The following ZDHHC11 variants were observed in gnomAD, a reference collection of about 807,000 sequenced individuals.
ZDHHC11 encodes palmitoyltransferase ZDHHC11.
In ZDHHC11, 44 loss-of-function variants were observed where a neutral mutation model predicts 51.3. That is an observed-to-expected ratio of 0.86 (90% confidence interval 0.67 to 1.10). The LOEUF (loss-of-function observed/expected upper bound fraction) is 1.10. Ranked by LOEUF, ZDHHC11 falls within the 50% of genes least tolerant of loss-of-function variation. The pLI is 0.00. For missense variants in ZDHHC11, 400 were observed against 537.7 expected (o/e 0.74, Z 2.53); for synonymous variants, 163 against 222.0 (o/e 0.73, Z 2.36).
At chr5:821,837 A>C (rs1169771867) in intron 9 of ZDHHC11, 24 bp downstream of exon 9, 2 of 1,591,314 alleles carry the variant, frequency 1.3e-6, no homozygotes, top group Non-Finnish European at 1.7e-6. Context: ...AGATAAAATA[A>C]TCCCATTAAA....
At chr5:809,001 AC>A in intron 11 of ZDHHC11, among the ~76,000 whole-genome samples, 1 of 146,320 alleles carries the variant, frequency 6.8e-6, no homozygotes, top group Middle Eastern at 3.4e-3. Context: ...ACACACACAC[AC>A]ACACACACAC....
At chr5:828,961 G>T (rs1447031927) in intron 7 of ZDHHC11, among the ~76,000 whole-genome samples, 1 of 128,842 alleles carries the variant, frequency 7.8e-6, no homozygotes, top group East Asian at 2.0e-4. Flanking sequence ...AATAACTGTG[G>T]CATGACTTAT....
upstream of ZDHHC11, among the ~76,000 whole-genome samples, chr5:854,715 A>C (rs553221067): frequency 1.6e-3 from 239 of 145,030 alleles, 1 homozygote; most frequent in Non-Finnish European, 2.3e-3. Flanking sequence ...GACAGACCGC[A>C]CAGAGGACAG....
chr5:840,688 G>C (rs1313836202), intron 4 of ZDHHC11, 38 bp from the exon 5 acceptor site: 15 of 1,611,390 alleles, frequency 9.3e-6, no homozygotes, highest in African/African-American at 1.3e-5. Flanking sequence ...TCCAGCACCT[G>C]CTGACGGGTG....
At chr5:854,729 G>GC (rs1747890316), upstream of ZDHHC11, among the ~76,000 whole-genome samples, 1 of 147,654 alleles carries the variant, frequency 6.8e-6, no homozygotes, top group Non-Finnish European at 1.5e-5. Context: ...AGGACAGTGA[G>GC]CAGCCGGGAC....
intron 11 of ZDHHC11, among the ~76,000 whole-genome samples, chr5:807,010 A>T (rs1191970643): frequency 1.3e-4 from 20 of 151,224 alleles, no homozygotes; most frequent in African/African-American, 4.9e-4. Flanking sequence ...TTGCACCTGT[A>T]CAACAGGAGA....
upstream of ZDHHC11, among the ~76,000 whole-genome samples, chr5:851,471 C>A (rs373256623): frequency 2.6e-5 from 4 of 152,172 alleles, no homozygotes; most frequent in Non-Finnish European, 5.9e-5. Context: ...AGCTTCGCCA[C>A]GTTATGCCTC....
chr5:849,249 G>A (rs1746772980), intron 1 of ZDHHC11, among the ~76,000 whole-genome samples: 2 of 152,128 alleles, frequency 1.3e-5, no homozygotes, highest in Admixed American at 6.5e-5. Flanking sequence ...GTTGGACACA[G>A]GGCAAATCCC....
intron 1 of ZDHHC11, among the ~76,000 whole-genome samples, chr5:858,472 T>C (rs2150530185): frequency 6.6e-6 from 1 of 152,292 alleles, no homozygotes; most frequent in Middle Eastern, 3.4e-3. Context: ...TATGACACCA[T>C]GGTCCCACAG....
At chr5:860,159 C>G (rs1300783402), upstream of ZDHHC11, among the ~76,000 whole-genome samples, 2 of 152,174 alleles carry the variant, frequency 1.3e-5, no homozygotes, top group Non-Finnish European at 2.9e-5. The surrounding 1 kb of genome is among the most constrained non-coding windows in gnomAD (Gnocchi z 4.2). Flanking sequence ...GGCGGGTGCC[C>G]AGGACGACAT....
chr5:825,273 G>A (rs745880747), intron 7 of ZDHHC11, 22 bp from the exon 8 acceptor site: 3 of 1,608,568 alleles, frequency 1.9e-6, no homozygotes, highest in African/African-American at 1.3e-5. Flanking sequence ...GAAAGGAGGA[G>A]AGAAACTCAT....
intron 4 of ZDHHC11, chr5:841,730 C>A: frequency 1.0e-6 from 1 of 992,688 alleles, no homozygotes; most frequent in Non-Finnish European, 1.2e-6. Flanking sequence ...GGGCTGCCAA[C>A]ACTCAAAACC....
chr5:837,087 C>G (rs1743974002), intron 6 of ZDHHC11, among the ~76,000 whole-genome samples: 1 of 152,114 alleles, frequency 6.6e-6, no homozygotes, highest in South Asian at 2.1e-4. Context: ...CACATTTCAA[C>G]TTTGGAAGAT....
rs1160312386 is a variant in ZDHHC11 at position 824,033 on chromosome 5, T to G, written c.1023+1131A>C. On this transcript the variant is annotated intron_variant, in intron 8 of 12. Coordinates refer to ENST00000283441, the MANE Select transcript of ZDHHC11 (RefSeq NM_024786.3). Reference sequence around the variant, plus strand: ...TTCCTCCAGGCTGGGCTGATCCCTTTTTATTTCCAAGTCACAGGAGCCTGT... The same window carrying G: ...TTCCTCCAGGCTGGGCTGATCCCTTGTTATTTCCAAGTCACAGGAGCCTGT... The G allele has an allele frequency of 8.8e-6, 4 of 454,720 alleles. No homozygotes were observed. The Admixed American group carries it at 9.4e-5, about 11-fold the overall frequency. The allele number at this position is 454,720 out of a possible 1,614,324, so 28.2% of individuals were successfully genotyped here.
At chr5:858,849 G>A (rs1748636433) in intron 1 of ZDHHC11, among the ~76,000 whole-genome samples, 1 of 151,944 alleles carries the variant, frequency 6.6e-6, no homozygotes, top group Non-Finnish European at 1.5e-5. Context: ...GGGAACATGG[G>A]AAAGTAAGGC....
At chr5:798,934 A>C (rs1448165854) in intron 12 of ZDHHC11, among the ~76,000 whole-genome samples, 1 of 152,176 alleles carries the variant, frequency 6.6e-6, no homozygotes, top group African/African-American at 2.4e-5. Flanking sequence ...AATTATCTGC[A>C]ACTTCAGCAG....
At chr5:840,694 G>C (rs376495523) in intron 4 of ZDHHC11, 44 bp from the exon 5 acceptor site, 2 of 1,610,912 alleles carry the variant, frequency 1.2e-6, no homozygotes, top group Non-Finnish European at 1.7e-6. Flanking sequence ...ACCTGCTGAC[G>C]GGTGCCACAT....
intron 3 of ZDHHC11, 134 bp from the exon 4 acceptor site, chr5:843,858 AGGGGCATGC>A (rs1379967054): frequency 3.3e-6 from 1 of 304,554 alleles, no homozygotes; most frequent in Admixed American, 5.1e-5. Flanking sequence ...GCACAGCGGC[AGGGGCATGC>A]GGGGCATGTG....
chr5:829,309 A>G (rs778235432), intron 7 of ZDHHC11, among the ~76,000 whole-genome samples: 5 of 151,746 alleles, frequency 3.3e-5, no homozygotes, highest in Non-Finnish European at 5.9e-5. Flanking sequence ...TAGAAATGAA[A>G]TGAGAGATAG....
Sources: allele counts gnomAD v4.1 joint callset (sites outside exome capture counted in the v4.1 genomes callset), GRCh38; gene constraint gnomAD v4.1.1; non-coding constraint Gnocchi (gnomAD v3.1); transcripts MANE v1.5; gene names NCBI Gene and HGNC (gene_info 2026-07-23, HGNC 2026-07-21).